FAM200A: variants seen among roughly 807,000 people sequenced by gnomAD.
FAM200A encodes the protein ZBED8 like, also known as protein FAM200A.
Under a neutral mutation model 44.2 loss-of-function variants are expected in FAM200A, and 26 were observed. That is an observed-to-expected ratio of 0.59 (90% CI 0.43 to 0.82). The LOEUF is 0.82. Ranked by LOEUF, FAM200A falls within the 40% of genes least tolerant of loss-of-function variation. The pLI, the probability that FAM200A is intolerant of heterozygous loss-of-function variation, is 0.00. For missense variants in FAM200A, 606 were observed against 669.5 expected, an observed-to-expected ratio of 0.91 and a Z score of 1.05; for synonymous variants, 206 against 244.4, an observed-to-expected ratio of 0.84 and a Z score of 1.47.
chr7:99,549,228 C>T (rs1484202279), intron 1 of FAM200A, among the ~76,000 whole-genome samples: 1 of 147,248 alleles, frequency 6.8e-6, no homozygotes, highest in African/African-American at 2.5e-5. Flanking sequence ...AATATTGAAA[C>T]ATGTTCATGT....
At chr7:99,554,392 T>C (rs1054413977), upstream of FAM200A, among the ~76,000 whole-genome samples, 7 of 150,426 alleles carry the variant, frequency 4.7e-5, no homozygotes, top group Non-Finnish European at 7.4e-5. Context: ...GGCAGGAGAA[T>C]TGCTTGAACC....
chr7:99,552,128 G>C (rs373855845), upstream of FAM200A: 20 of 985,506 alleles, frequency 2.0e-5, 2 homozygotes, highest in East Asian at 8.0e-4. Context: ...AGCCGGAAGT[G>C]CGTCACACCC....
chr7:99,556,909 A>G (rs753105037), upstream of FAM200A, among the ~76,000 whole-genome samples: 1 of 152,140 alleles, frequency 6.6e-6, no homozygotes, highest in African/African-American at 2.4e-5. Flanking sequence ...GGTGGTGCCC[A>G]CCTGTAATCC....
At chr7:99,555,955 T>C (rs1355451681), upstream of FAM200A, among the ~76,000 whole-genome samples, 1 of 152,158 alleles carries the variant, frequency 6.6e-6, no homozygotes, top group Non-Finnish European at 1.5e-5. Context: ...TTAGGTCACC[T>C]AATACATGTG....
chr7:99,550,760 C>CA (rs1262872675), intron 1 of FAM200A, among the ~76,000 whole-genome samples: 1 of 152,106 alleles, frequency 6.6e-6, no homozygotes, highest in Non-Finnish European at 1.5e-5. Flanking sequence ...GAAAACCCCC[C>CA]ATGTCCGAAA....
In FAM200A at chr7:99,546,879, C is replaced by T. The variant is rs750849168; in HGVS notation, c.1529G>A (p.Ser510Asn). 3 of 1,550,166 alleles carry T rather than the reference C, an allele frequency of 1.9e-6. No homozygotes were observed. Among genetic ancestry groups the T allele is most frequent in the Admixed American group, 3.9e-5 (2 of 50,732 alleles). The change falls in exon 2 of 2, where the codon AGT becomes AAT. Residue 510 changes from serine to asparagine, a missense_variant. Ser to Asn is a conservative substitution (Grantham distance 46, BLOSUM62 1). Transcript: ENST00000449309. The part of the protein sequence containing the change: ...IKIKDDFPLL[S>N]RKSILLLLPF... ...TAGTAACAGCAATATACTCTTCCTACTTAGCAGTGGAAAGTCATCTTTAAT... is the reference window on the plus strand; with the variant it reads ...TAGTAACAGCAATATACTCTTCCTATTTAGCAGTGGAAAGTCATCTTTAAT...
Position 99,547,523 on chromosome 7 carries a change from T to C in FAM200A, c.885A>G (p.Leu295=). The part of the protein sequence containing the change: ...CSEIGVNHTH[L]LFHTEVRWLS... ...GCCAACGAACTTCTGTATGAAACAA[T>C]AAGTGGGTGTGGTTCACTCCAATCT... Residue 295 remains leucine (L), a synonymous_variant, in exon 2 of 2, where the codon TTA becomes TTG. Transcript: ENST00000449309. 1.3e-6 allele frequency: 2 copies of C among 1,550,596 alleles called. No homozygotes were observed. Among genetic ancestry groups the C allele is most frequent in the Non-Finnish European group, 1.7e-6 (2 of 1,146,508 alleles).
At position 99,546,363 on chromosome 7, in the gene FAM200A, GTACAAA is replaced by G. The variant is rs1802384351; in HGVS notation, c.*317_*322del. 4.5e-6 allele frequency: 1 copy of G among 221,252 alleles called. No individual in the cohort carries two copies. Among genetic ancestry groups the G allele is most frequent in the South Asian group, 1.8e-4 (1 of 5,602 alleles). 13.7% of individuals were successfully genotyped at this position (221,252 alleles called of 1,614,324 possible). On this transcript the variant is annotated 3_prime_UTR_variant, in exon 2 of 2. Coordinates refer to ENST00000449309, the MANE Select transcript of FAM200A (RefSeq NM_145111.4). Reference sequence around the variant, plus strand: ...AACATACTGCAAAATCCCTTTAAAAGTACAAATACAATTTTTTTTTTTTGAGATGAA... The same window carrying G: ...AACATACTGCAAAATCCCTTTAAAAGTACAATTTTTTTTTTTTGAGATGAA...
intron 1 of FAM200A, 145 bp from the exon 2 acceptor site, chr7:99,548,651 G>A (rs1292495830): frequency 1.4e-5 from 10 of 694,050 alleles, no homozygotes; most frequent in Non-Finnish European, 2.3e-5. Context: ...TGTGTGTCAG[G>A]GAGATTTGGT....
Position 99,548,275 on chromosome 7 carries a change from ACT to A in FAM200A, c.131_132del (p.Glu44ValfsTer14). The A allele has an allele frequency of 6.2e-7, 1 of 1,613,864 alleles. No homozygotes were observed. The highest frequency in any genetic ancestry group is 8.5e-7 in the Non-Finnish European group (1 of 1,179,948). ...DHFQKERNKV[E>X]SSPQVLSRST... ...GAGCGACTGAGAACTTGTGGCGATG[ACT>A]CTACTTTGTTTCTTTCCTTTTGAAA... On this transcript the variant is annotated frameshift_variant, in exon 2 of 2. Coordinates refer to ENST00000449309, the MANE Select transcript of FAM200A (RefSeq NM_145111.4). LOFTEE classifies it high-confidence loss of function.
chr7:99,548,196 A>C lies in FAM200A; in HGVS notation c.212T>G (p.Val71Gly), dbSNP rs1802434093. The C allele has an allele frequency of 6.4e-7, 1 of 1,566,632 alleles. No homozygotes were observed. Among genetic ancestry groups the C allele is most frequent in the Non-Finnish European group, 8.7e-7 (1 of 1,154,472 alleles). The change falls in exon 2 of 2, where the codon GTG becomes GGG. Residue 71 changes from valine to glycine, a missense_variant. Val to Gly is a moderately radical substitution (Grantham distance 109, BLOSUM62 -3). Coordinates refer to ENST00000449309, the MANE Select transcript of FAM200A (RefSeq NM_145111.4). ...LLSSYLVAYRVAKEKMAHTAA... is the reference protein window; with the variant it reads ...LLSSYLVAYRGAKEKMAHTAA... ...TGTGTGAGCCATTTTCTCTTTTGCC[A>C]CTCTATATGCAACTAAATACGATGA...
upstream of FAM200A, among the ~76,000 whole-genome samples, chr7:99,554,478 C>CAA (rs397889799): frequency 7.7e-3 from 393 of 50,844 alleles, 1 homozygote; most frequent in East Asian, 0.012. Context: ...GACTCCGTCT[C>CAA]AAAAAAAAAA....
At chr7:99,549,699 C>T (rs1193720060) in intron 1 of FAM200A, among the ~76,000 whole-genome samples, 2 of 152,194 alleles carry the variant, frequency 1.3e-5, no homozygotes, top group Admixed American at 6.5e-5. Flanking sequence ...CACATATACA[C>T]CATGGAATAC....
chr7:99,554,648 C>A (rs1008791806), upstream of FAM200A, among the ~76,000 whole-genome samples: 3 of 152,120 alleles, frequency 2.0e-5, no homozygotes, highest in Admixed American at 6.5e-5. Flanking sequence ...GGAGTCAATG[C>A]ATATCCCTAC....
At chr7:99,556,176 G>T (rs1401236005), upstream of FAM200A, among the ~76,000 whole-genome samples, 2 of 152,184 alleles carry the variant, frequency 1.3e-5, no homozygotes, top group East Asian at 1.9e-4. Flanking sequence ...GCCTTAGTAA[G>T]AAGTCTTACT....
chr7:99,554,277 G>T (rs987087529), upstream of FAM200A, among the ~76,000 whole-genome samples: 1 of 151,902 alleles, frequency 6.6e-6, no homozygotes, highest in Admixed American at 6.6e-5. Flanking sequence ...TCAGGAGTTC[G>T]AGACCAGCCT....
At chr7:99,556,421 G>T (rs994875051), upstream of FAM200A, among the ~76,000 whole-genome samples, 1 of 151,988 alleles carries the variant, frequency 6.6e-6, no homozygotes, top group Non-Finnish European at 1.5e-5. Flanking sequence ...ACAGATCCTC[G>T]GCCTAATTTT....
chr7:99,548,876 C>CTTTT (rs769162310), intron 1 of FAM200A, among the ~76,000 whole-genome samples: 14 of 91,316 alleles, frequency 1.5e-4, no homozygotes, highest in African/African-American at 3.1e-4. Context: ...TCTGGTCATT[C>CTTTT]TTTTTTTTTT....
At chr7:99,552,157 C>T (rs904508439), upstream of FAM200A, 3 of 985,376 alleles carry the variant, frequency 3.0e-6, no homozygotes, top group African/African-American at 5.2e-5. Flanking sequence ...GAGCTGCGCT[C>T]CGCTTCGGGG....
Sources: allele counts gnomAD v4.1 joint callset (sites outside exome capture counted in the v4.1 genomes callset), GRCh38; gene constraint gnomAD v4.1.1; transcripts MANE v1.5; gene names NCBI Gene and HGNC (gene_info 2026-07-23, HGNC 2026-07-21).